The following SPATA13 variants were observed in gnomAD, a reference collection of about 807,000 sequenced individuals.
SPATA13 encodes the protein spermatogenesis associated 13, also known as spermatogenesis-associated protein 13.
SPATA13 carries 50 observed loss-of-function variants against 104.0 expected under a neutral mutation model. The ratio of observed to expected loss-of-function variants is 0.48; its 90% CI spans 0.38 to 0.61. The LOEUF (loss-of-function observed/expected upper bound fraction) is 0.61. Among genes scored for constraint, SPATA13 ranks in the 20% least tolerant of loss-of-function variants. SPATA13 has a pLI of 0.00. For missense variants in SPATA13, 1,524 were observed against 1,690.6 expected, an observed-to-expected ratio of 0.90 and a Z score of 1.73; for synonymous variants, 606 against 667.5, an observed-to-expected ratio of 0.91 and a Z score of 1.42.
intron 2 of SPATA13, among the ~76,000 whole-genome samples, chr13:24,241,817 C>T (rs956639829): frequency 2.6e-5 from 4 of 152,106 alleles, no homozygotes; most frequent in African/African-American, 7.2e-5. Context: ...TTTGAGAGGC[C>T]GAGGCGGGAG....
At chr13:24,133,448 T>A (rs1032198844) in intron 3 of SPATA13, among the ~76,000 whole-genome samples, 3 of 152,206 alleles carry the variant, frequency 2.0e-5, no homozygotes, top group Non-Finnish European at 4.4e-5. Flanking sequence ...AAGCTTAATG[T>A]CAGTGGGCAC....
intron 3 of SPATA13, among the ~76,000 whole-genome samples, chr13:24,105,729 A>G (rs1165684801): frequency 6.6e-6 from 1 of 152,158 alleles, no homozygotes; most frequent in East Asian, 1.9e-4. Context: ...CCTAATCCCC[A>G]GTACCTCCAC....
At chr13:24,113,137 T>A (rs1347838136) in intron 3 of SPATA13, among the ~76,000 whole-genome samples, 1 of 152,234 alleles carries the variant, frequency 6.6e-6, no homozygotes, top group Admixed American at 6.5e-5. Flanking sequence ...AACCGGACAA[T>A]GTCCACTTTA....
rs530103271 is a variant in SPATA13 at position 24,267,087 on chromosome 13, G to T, written c.2164+15225G>T. Reference sequence around the variant, plus strand: ...AAGTCCTATCTCCTTGTTCTATCATGCCCCTTTCTACATTAGTAGTGGCTT... The same window carrying T: ...AAGTCCTATCTCCTTGTTCTATCATTCCCCTTTCTACATTAGTAGTGGCTT... On this transcript the variant is annotated intron_variant, in intron 4 of 12. Transcript: ENST00000382108. Among the ~76,000 whole-genome samples, 8 of 152,128 alleles carry T rather than the reference G, an allele frequency of 5.3e-5. No individual in the cohort carries two copies. In the South Asian group the frequency reaches 1.0e-3, roughly 20 times the overall value.
intron 3 of SPATA13, among the ~76,000 whole-genome samples, chr13:24,023,434 G>C (rs571930035): frequency 6.6e-6 from 1 of 152,124 alleles, no homozygotes; most frequent in African/African-American, 2.4e-5. Flanking sequence ...GAAAAGTAGG[G>C]AATAATGCAG....
At chr13:24,276,727 T>A (rs1875011342) in intron 4 of SPATA13, among the ~76,000 whole-genome samples, 1 of 152,252 alleles carries the variant, frequency 6.6e-6, no homozygotes, top group Admixed American at 6.5e-5. Context: ...TTTGAGAATT[T>A]ATAATAGCTT....
At chr13:24,027,895 C>G (rs1877303797) in intron 3 of SPATA13, among the ~76,000 whole-genome samples, 1 of 152,218 alleles carries the variant, frequency 6.6e-6, no homozygotes, top group African/African-American at 2.4e-5. Context: ...ATGCTCTTTA[C>G]TCTTCCTCAG....
At chr13:23,980,317 G>C (rs1874822662) in intron 1 of SPATA13, among the ~76,000 whole-genome samples, 1 of 152,214 alleles carries the variant, frequency 6.6e-6, no homozygotes, top group Non-Finnish European at 1.5e-5. Flanking sequence ...GGGAGGGGCC[G>C]AGCCGCAGCG....
At chr13:24,245,828 A>G (rs111788234) in intron 2 of SPATA13, among the ~76,000 whole-genome samples, 3,085 of 152,128 alleles carry the variant, frequency 0.02, 112 homozygotes, top group African/African-American at 0.071. Flanking sequence ...GGCTCAAGCA[A>G]TCCTCCTGCC....
intron 4 of SPATA13, among the ~76,000 whole-genome samples, chr13:24,264,314 G>A (rs1411250766): frequency 1.3e-5 from 2 of 152,068 alleles, no homozygotes; most frequent in East Asian, 3.8e-4. Flanking sequence ...TCAGAGGAAG[G>A]AGAGCAAGAC....
intron 1 of SPATA13, among the ~76,000 whole-genome samples, chr13:24,198,115 C>A (rs111762229): frequency 2.9e-4 from 44 of 152,208 alleles, no homozygotes; most frequent in African/African-American, 8.7e-4. Context: ...CCTGCCTCAG[C>A]CTCCCGAGTA....
intron 4 of SPATA13, among the ~76,000 whole-genome samples, chr13:24,269,971 G>A (rs551729041): frequency 2.1e-4 from 32 of 151,508 alleles, no homozygotes; most frequent in South Asian, 8.3e-4. Flanking sequence ...ATCCTCCTGC[G>A]TCATCCTCCT....
chr13:24,152,254 G>A (rs572967371), intron 3 of SPATA13, among the ~76,000 whole-genome samples: 4 of 152,288 alleles, frequency 2.6e-5, no homozygotes, highest in African/African-American at 9.6e-5. Context: ...TTGTGGGAGG[G>A]GCACGGGGAC....
At position 24,223,108 on chromosome 13, in the gene SPATA13, C is replaced by T. The variant is rs1222001059; in HGVS notation, c.179C>T (p.Thr60Met). Residue 60 changes from threonine (T) to methionine (M), a missense_variant, in exon 2 of 13, where the codon ACG (threonine) becomes ATG (methionine). Physicochemically the swap from Thr to Met is moderately conservative, Grantham distance 81. This residue lies in a region of SPATA13 where 1,089 missense variants were observed against 1,135.9 expected (regional missense o/e 0.96). Coordinates refer to ENST00000382108, the MANE Select transcript of SPATA13 (RefSeq NM_001166271.3). ...TGTGGCTGCAGCCCTGGTGGCGACA[C>T]GGACACCCAGGAAGCCAAACTCAGC... Reference protein sequence around the residue: ...GVCGCSPGGDTDTQEAKLSPA... With the variant: ...GVCGCSPGGDMDTQEAKLSPA... The T allele has an allele frequency of 2.0e-5, 31 of 1,551,604 alleles. No individual in the cohort carries two copies. In the Admixed American group the frequency reaches 3.7e-4, roughly 19 times the overall value.
chr13:24,227,353 T>A (rs966854081), intron 2 of SPATA13, among the ~76,000 whole-genome samples: 2 of 152,234 alleles, frequency 1.3e-5, no homozygotes, highest in Non-Finnish European at 2.9e-5. Context: ...GTGTAGTTAT[T>A]TGCCAGGGTG....
chr13:24,279,609 T>C (rs1026763186), intron 4 of SPATA13, among the ~76,000 whole-genome samples: 6 of 152,120 alleles, frequency 3.9e-5, no homozygotes, highest in African/African-American at 1.4e-4. Context: ...TTTCAGGAAC[T>C]TGAATCAGAT....
intron 3 of SPATA13, among the ~76,000 whole-genome samples, chr13:24,107,237 CAAAAAAAAAAAAAA>C (rs11421515): frequency 2.9e-5 from 1 of 34,266 alleles, no homozygotes; most frequent in Non-Finnish European, 4.6e-5. Flanking sequence ...GAACAAGAGG[CAAAAAAAAAAAAAA>C]AAAAAAAAAA....
intron 2 of SPATA13, 126 bp downstream of exon 2, chr13:24,224,708 A>G (rs1319774300): frequency 5.1e-6 from 5 of 976,150 alleles, no homozygotes; most frequent in Non-Finnish European, 7.9e-6. Flanking sequence ...TTGCCCTTAC[A>G]GTATTAGTGG....
At chr13:24,024,356 CGGAT>C (rs71070644) in intron 3 of SPATA13, among the ~76,000 whole-genome samples, 76,983 of 150,820 alleles carry the variant, frequency 0.51, 21,097 homozygotes, top group East Asian at 0.71. Context: ...AATGGATGGA[CGGAT>C]GGATGGATGG....
Sources: gnomAD v4.1 joint callset for allele counts (sites outside exome capture counted in the v4.1 genomes callset) on GRCh38, gnomAD v4.1.1 for gene constraint, gnomAD v4.1.1 regional missense constraint, MANE v1.5 for transcripts, NCBI Gene and HGNC (gene_info 2026-07-23, HGNC 2026-07-21) for gene names.